SAMMSON: variants seen among roughly 807,000 people sequenced by gnomAD.
The protein encoded by SAMMSON is survival associated mitochondrial melanoma specific oncogenic non-coding RNA, also known as long intergenic non-protein coding RNA 1212.
At chr3:70,394,516 G>C (rs1372013158), downstream of SAMMSON, among the ~76,000 whole-genome samples, 1 of 152,080 alleles carries the variant, frequency 6.6e-6, no homozygotes, top group African/African-American at 2.4e-5. Context: ...AGTTACCAGG[G>C]ACCGAAGAGA....
intron 2 of SAMMSON, among the ~76,000 whole-genome samples, chr3:70,012,861 G>A (rs1220326184): frequency 6.6e-6 from 1 of 152,066 alleles, no homozygotes; most frequent in Non-Finnish European, 1.5e-5. Context: ...CTCGTACATA[G>A]ATAGGATGGT....
intron 4 of SAMMSON, chr3:70,183,636 A>G (rs1460017218): frequency 1.3e-5 from 2 of 152,188 alleles, no homozygotes; most frequent in Non-Finnish European, 2.9e-5. Flanking sequence ...CTGAACAAAT[A>G]CAGTGTCCCC....
intron 7 of SAMMSON, among the ~76,000 whole-genome samples, chr3:70,299,407 A>G (rs1702324151): frequency 6.6e-6 from 1 of 152,056 alleles, no homozygotes; most frequent in South Asian, 2.1e-4. Flanking sequence ...ATTTTTTTCC[A>G]TTTTCATATT....
chr3:70,213,615 T>G (rs1701372036), intron 4 of SAMMSON, among the ~76,000 whole-genome samples: 1 of 152,046 alleles, frequency 6.6e-6, no homozygotes, highest in African/African-American at 2.4e-5. Flanking sequence ...GTAAAAGGAG[T>G]TAATTGAAGT....
intron 3 of SAMMSON, among the ~76,000 whole-genome samples, chr3:70,064,544 C>T (rs74951582): frequency 0.012 from 1,899 of 152,212 alleles, 18 homozygotes; most frequent in Middle Eastern, 0.051. Context: ...TAGTTTCTTC[C>T]TTCCTACTGC....
At chr3:70,333,654 T>G (rs143803996) in intron 7 of SAMMSON, among the ~76,000 whole-genome samples, 1 of 152,318 alleles carries the variant, frequency 6.6e-6, no homozygotes, top group East Asian at 1.9e-4. Flanking sequence ...GTACCCAAAG[T>G]GGTCTTCTAA....
At chr3:70,259,147 C>T (rs893242715) in intron 6 of SAMMSON, among the ~76,000 whole-genome samples, 3 of 152,072 alleles carry the variant, frequency 2.0e-5, no homozygotes, top group African/African-American at 4.8e-5. Flanking sequence ...AGACAAGGCC[C>T]TTTTTCATAT....
intron 4 of SAMMSON, among the ~76,000 whole-genome samples, chr3:70,099,575 C>G (rs1397225503): frequency 6.6e-6 from 1 of 151,952 alleles, no homozygotes; most frequent in Non-Finnish European, 1.5e-5. Flanking sequence ...TATAATTGTT[C>G]TTTATATATT....
At chr3:70,194,323 C>T (rs2092728551) in intron 4 of SAMMSON, among the ~76,000 whole-genome samples, 1 of 152,130 alleles carries the variant, frequency 6.6e-6, no homozygotes, top group African/African-American at 2.4e-5. Flanking sequence ...AATCACAGGC[C>T]TTCATCATTG....
At chr3:70,162,500 T>C (rs2067619423) in intron 4 of SAMMSON, among the ~76,000 whole-genome samples, 1 of 151,944 alleles carries the variant, frequency 6.6e-6, no homozygotes, top group South Asian at 2.1e-4. Context: ...TTGAAGAACA[T>C]ACTTTATATG....
intron 7 of SAMMSON, among the ~76,000 whole-genome samples, chr3:70,352,454 C>T (rs1702800803): frequency 6.6e-6 from 1 of 152,050 alleles, no homozygotes; most frequent in Non-Finnish European, 1.5e-5. Context: ...ATGACATCAT[C>T]AGATGAAGGA....
chr3:70,201,592 G>T (rs1701240132), intron 4 of SAMMSON, among the ~76,000 whole-genome samples: 1 of 152,188 alleles, frequency 6.6e-6, no homozygotes, highest in South Asian at 2.1e-4. Context: ...GAGGCAAAGA[G>T]TGTTTAAGAG....
At chr3:70,258,892 AT>A (rs1701841464) in intron 6 of SAMMSON, among the ~76,000 whole-genome samples, 1 of 152,052 alleles carries the variant, frequency 6.6e-6, no homozygotes, top group Non-Finnish European at 1.5e-5. Context: ...ATTAAATTAA[AT>A]TTTTCTTCAA....
chr3:70,270,526 A>G (rs1701966281), intron 6 of SAMMSON, among the ~76,000 whole-genome samples: 1 of 152,178 alleles, frequency 6.6e-6, no homozygotes, highest in African/African-American at 2.4e-5. Flanking sequence ...AACTTTCTCA[A>G]GTATGTATAT....
chr3:70,267,436 T>C (rs1701926620), intron 6 of SAMMSON, among the ~76,000 whole-genome samples: 1 of 138,484 alleles, frequency 7.2e-6, no homozygotes, highest in Admixed American at 7.7e-5. Context: ...GGAGTCTCGC[T>C]CTGTCACCCA....
At chr3:70,288,966 A>G (rs1030671934) in intron 6 of SAMMSON, among the ~76,000 whole-genome samples, 10 of 152,054 alleles carry the variant, frequency 6.6e-5, no homozygotes, top group Non-Finnish European at 1.2e-4. Context: ...TGCACGTGAG[A>G]TGGGTTTCCT....
intron 4 of SAMMSON, among the ~76,000 whole-genome samples, chr3:70,101,398 G>GA (rs5849940): frequency 0.02 from 2,968 of 148,208 alleles, 98 homozygotes; most frequent in African/African-American, 0.064. Flanking sequence ...CATTTTTTAT[G>GA]AAAAAAAAAC....
chr3:70,236,719 G>A (rs925902668), intron 4 of SAMMSON, among the ~76,000 whole-genome samples: 5 of 151,832 alleles, frequency 3.3e-5, no homozygotes, highest in African/African-American at 4.8e-5. Context: ...CCTCAGCCTC[G>A]TGAGTAGCTG....
intron 4 of SAMMSON, among the ~76,000 whole-genome samples, chr3:70,213,772 G>T (rs895222095): frequency 6.6e-6 from 1 of 152,050 alleles, no homozygotes; most frequent in Non-Finnish European, 1.5e-5. Flanking sequence ...TAAAATACAG[G>T]AAATCATTCA....
Sources: gnomAD v4.1 joint callset for allele counts (sites outside exome capture counted in the v4.1 genomes callset) on GRCh38, gnomAD v4.1.1 for gene constraint, MANE v1.5 for transcripts, NCBI Gene and HGNC (gene_info 2026-07-23, HGNC 2026-07-21) for gene names.